Variants in RANBP2 observed in about 807,000 individuals in gnomAD.
The protein encoded by RANBP2 is RAN binding protein 2.
RANBP2 carries 57 observed loss-of-function variants against 303.6 expected under a neutral mutation model. That is an observed-to-expected ratio of 0.19 (90% CI 0.15 to 0.23). The LOEUF (loss-of-function observed/expected upper bound fraction) is 0.23. RANBP2 is among the 10% of genes least tolerant of loss of function. RANBP2 has a pLI of 1.00. For missense variants in RANBP2, 3,138 were observed against 3,780.8 expected (o/e 0.83, Z 4.46); for synonymous variants, 1,167 against 1,301.5 (o/e 0.90, Z 2.23).
the RANBP2 span, among the ~76,000 whole-genome samples, chr2:109,434,244 C>G: frequency 6.6e-6 from 1 of 152,250 alleles, no homozygotes; most frequent in Non-Finnish European, 1.5e-5. Context: ...GCCCGCCCTG[C>G]TGGGGGACAT....
At chr2:109,730,093 A>G in the RANBP2 span, among the ~76,000 whole-genome samples, 1 of 152,264 alleles carries the variant, frequency 6.6e-6, no homozygotes, top group Non-Finnish European at 1.5e-5. Context: ...CCCTCAACAC[A>G]TGGGGATTAC....
chr2:108,815,958 A>T, the RANBP2 span: 1 of 1,609,462 alleles, frequency 6.2e-7, no homozygotes, highest in Non-Finnish European at 8.5e-7. Flanking sequence ...TTAATGGGCA[A>T]GTTTATGAAC....
the RANBP2 span, among the ~76,000 whole-genome samples, chr2:109,121,784 A>C: frequency 4.0e-5 from 6 of 151,274 alleles, no homozygotes; most frequent in East Asian, 7.7e-4. Context: ...CCCAACCCTA[A>C]CCTCCCTCTG....
rs1677019829 is a variant in RANBP2, at chr2:108,765,052, C to G, written c.4513C>G (p.Pro1505Ala). Reference sequence around the variant, plus strand: ...TACAAAATGTGCTGCTTGTCAGAATCCGAGAAAACAGAGTCTACCTGCTAC... The same window carrying G: ...TACAAAATGTGCTGCTTGTCAGAATGCGAGAAAACAGAGTCTACCTGCTAC... ...SSTKCAACQN[P>A]RKQSLPATSI... Residue 1505 changes from proline (P) to alanine (A), a missense_variant, in exon 20 of 29, where the codon CCG becomes GCG. Pro to Ala is a conservative substitution (Grantham distance 27). This residue lies in a region of RANBP2 where 388 missense variants were observed against 328.5 expected (regional missense o/e 1.18). Transcript: ENST00000283195. The G allele has an allele frequency of 6.2e-7, 1 of 1,613,728 alleles. No individual in the cohort carries two copies. Among genetic ancestry groups the G allele is most frequent in the Admixed American group, 1.7e-5 (1 of 59,952 alleles).
At chr2:109,331,118 G>T in the RANBP2 span, among the ~76,000 whole-genome samples, 2 of 152,190 alleles carry the variant, frequency 1.3e-5, no homozygotes, top group African/African-American at 4.8e-5. Flanking sequence ...AGATGGCCAG[G>T]AGATAAACTC....
At chr2:109,244,230 C>T in the RANBP2 span, among the ~76,000 whole-genome samples, 1 of 152,160 alleles carries the variant, frequency 6.6e-6, no homozygotes, top group East Asian at 1.9e-4. Flanking sequence ...TAAAACATGA[C>T]GGGGGCATAA....
the RANBP2 span, among the ~76,000 whole-genome samples, chr2:109,638,045 T>C: frequency 6.6e-6 from 1 of 152,214 alleles, no homozygotes; most frequent in Non-Finnish European, 1.5e-5. Context: ...TAAGAGGATG[T>C]CCTTCCTGCG....
the RANBP2 span, among the ~76,000 whole-genome samples, chr2:109,181,254 T>C: frequency 6.6e-6 from 1 of 152,222 alleles, no homozygotes; most frequent in South Asian, 2.1e-4. Context: ...GATTCCTGTA[T>C]ACCCCTTGCC....
At chr2:109,431,949 A>G in the RANBP2 span, among the ~76,000 whole-genome samples, 7 of 152,136 alleles carry the variant, frequency 4.6e-5, no homozygotes, top group Admixed American at 4.6e-4. Flanking sequence ...TAACTTAACC[A>G]CCTTTCCCTT....
At chr2:109,553,151 A>G in the RANBP2 span, 1 of 1,613,890 alleles carries the variant, frequency 6.2e-7, no homozygotes, top group Admixed American at 1.7e-5. Flanking sequence ...CATCTGTTTC[A>G]TTTCTTCTTC....
chr2:109,311,622 C>T, the RANBP2 span, among the ~76,000 whole-genome samples: 1 of 152,184 alleles, frequency 6.6e-6, no homozygotes, highest in Admixed American at 6.5e-5. Context: ...AAAGCAATGG[C>T]CCTTGATGGC....
At chr2:109,107,667 C>T in the RANBP2 span, among the ~76,000 whole-genome samples, 2 of 152,312 alleles carry the variant, frequency 1.3e-5, no homozygotes, top group East Asian at 3.9e-4. Context: ...TCAGCCTCAG[C>T]AACAGAAAAG....
the RANBP2 span, among the ~76,000 whole-genome samples, chr2:109,087,160 C>T: frequency 9.9e-5 from 15 of 152,256 alleles, no homozygotes; most frequent in East Asian, 1.4e-3. Flanking sequence ...TGGAGATGCT[C>T]GGAAGGCTCT....
At chr2:109,471,785 C>T in the RANBP2 span, among the ~76,000 whole-genome samples, 3 of 152,204 alleles carry the variant, frequency 2.0e-5, no homozygotes, top group African/African-American at 7.2e-5. Context: ...GACTAATGCA[C>T]AGTCCTGGAT....
At chr2:109,481,983 A>G in the RANBP2 span, among the ~76,000 whole-genome samples, 2 of 152,228 alleles carry the variant, frequency 1.3e-5, no homozygotes, top group African/African-American at 4.8e-5. Flanking sequence ...TCAGACCTCA[A>G]CGGTGCATTC....
At chr2:108,960,803 G>A in the RANBP2 span, among the ~76,000 whole-genome samples, 1 of 152,042 alleles carries the variant, frequency 6.6e-6, no homozygotes, top group Non-Finnish European at 1.5e-5. Flanking sequence ...ATTGAGTTTT[G>A]TATCCTGTTT....
At chr2:109,016,613 C>T in the RANBP2 span, among the ~76,000 whole-genome samples, 2 of 152,190 alleles carry the variant, frequency 1.3e-5, no homozygotes, top group South Asian at 2.1e-4. Context: ...ACCTCATCCA[C>T]GAGAGCAAGC....
At chr2:108,863,407 G>A in the RANBP2 span, among the ~76,000 whole-genome samples, 1 of 152,164 alleles carries the variant, frequency 6.6e-6, no homozygotes, top group Non-Finnish European at 1.5e-5. Context: ...AGGGTGTGCT[G>A]TACTTTAGAT....
rs1678349490 is a variant in RANBP2 at position 108,782,848 on chromosome 2, G to A, written c.9355G>A (p.Asp3119Asn). The change falls in exon 28 of 29, where the codon GAT becomes AAT. Residue 3119 changes from aspartate (D) to asparagine (N), a missense_variant. By Grantham distance (23) the Asp-to-Asn change is conservative. Around this residue, in one of 20 missense-constraint regions of RANBP2, gnomAD observed 204 missense variants for 228.4 expected, o/e 0.89. Transcript: ENST00000283195. ...TTCCATTTTTCACAGAGTAATTCCA[G>A]ATTTTGTTTGCCAAGTAGGTATTAT... ...KNSIFHRVIP[D>N]FVCQGGDITK... 6.2e-7 allele frequency: 1 copy of A among 1,613,178 alleles called. No homozygotes were observed. The highest frequency in any genetic ancestry group is 1.3e-5 in the African/African-American group (1 of 75,032).
Sources: allele counts gnomAD v4.1 joint callset (sites outside exome capture counted in the v4.1 genomes callset), GRCh38; gene constraint gnomAD v4.1.1; regional missense constraint gnomAD v4.1.1; transcripts MANE v1.5; gene names NCBI Gene and HGNC (gene_info 2026-07-23, HGNC 2026-07-21).